The following PRR16 variants were observed in gnomAD, a reference collection of about 807,000 sequenced individuals.
PRR16 encodes proline rich 16.
A neutral mutation model predicts 18.2 loss-of-function variants in PRR16; 6 were observed. The ratio of observed to expected loss-of-function variants is 0.33; its 90% CI spans 0.18 to 0.65. The LOEUF (loss-of-function observed/expected upper bound fraction) is 0.65. Ranked by LOEUF, PRR16 falls within the 30% of genes least tolerant of loss-of-function variation. PRR16 has a pLI of 0.74. For missense variants in PRR16, 412 were observed against 376.6 expected, an observed-to-expected ratio of 1.09 and a Z score of -0.78; for synonymous variants, 151 against 147.8, an observed-to-expected ratio of 1.02 and a Z score of -0.16.
At chr5:120,651,714 C>T (rs749624925) in intron 1 of PRR16, among the ~76,000 whole-genome samples, 1 of 152,180 alleles carries the variant, frequency 6.6e-6, no homozygotes, top group Non-Finnish European at 1.5e-5. Flanking sequence ...CAGTACCATG[C>T]TGCTTTGGTT....
At chr5:120,632,534 A>G (rs1755092268) in intron 1 of PRR16, among the ~76,000 whole-genome samples, 1 of 152,154 alleles carries the variant, frequency 6.6e-6, no homozygotes, top group African/African-American at 2.4e-5. Flanking sequence ...AATTAAAAAA[A>G]AATCATAATG....
chr5:120,788,747 A>T, the PRR16 span, among the ~76,000 whole-genome samples: 1 of 152,086 alleles, frequency 6.6e-6, no homozygotes. Context: ...TCTTTCATGA[A>T]CACCTTTAGT....
chr5:120,783,951 C>T, the PRR16 span, among the ~76,000 whole-genome samples: 39,794 of 151,938 alleles, frequency 0.26, 5,699 homozygotes, highest in Non-Finnish European at 0.32. Flanking sequence ...CACCTATGAA[C>T]GAGAACATGT....
chr5:120,614,013 C>T (rs554147594), intron 1 of PRR16, among the ~76,000 whole-genome samples: 5 of 152,162 alleles, frequency 3.3e-5, no homozygotes, highest in Non-Finnish European at 7.4e-5. Flanking sequence ...CTTAGTAAAG[C>T]ATTTTCACAC....
At chr5:120,520,539 A>C (rs1561528489) in intron 1 of PRR16, among the ~76,000 whole-genome samples, 1 of 152,238 alleles carries the variant, frequency 6.6e-6, no homozygotes, top group Non-Finnish European at 1.5e-5. Context: ...GGGTGAGAGA[A>C]ACTCTTTATT....
At chr5:120,706,739 A>G in the PRR16 span, among the ~76,000 whole-genome samples, 1 of 152,340 alleles carries the variant, frequency 6.6e-6, no homozygotes, top group African/African-American at 2.4e-5. Flanking sequence ...CAGACAAGAA[A>G]GATTTTATTC....
intron 1 of PRR16, among the ~76,000 whole-genome samples, chr5:120,541,260 C>A (rs1255440836): frequency 6.6e-6 from 1 of 152,172 alleles, no homozygotes; most frequent in African/African-American, 2.4e-5. Context: ...ATTCTCCTGC[C>A]TCAGCCTCCT....
chr5:120,716,639 G>A, the PRR16 span, among the ~76,000 whole-genome samples: 4 of 152,118 alleles, frequency 2.6e-5, no homozygotes, highest in African/African-American at 7.2e-5. Flanking sequence ...ACTTTGGGAG[G>A]CTGAGTTGGC....
At chr5:120,765,294 A>ATAC in the PRR16 span, among the ~76,000 whole-genome samples, 2 of 151,998 alleles carry the variant, frequency 1.3e-5, no homozygotes, top group African/African-American at 4.8e-5. Flanking sequence ...GACTTAAAAG[A>ATAC]AGTTGAATGT....
rs1561536442 is a variant in PRR16, at chr5:120,537,774, T to TA, written c.159+73129_159+73130insA. Among the ~76,000 whole-genome samples the TA allele has an allele frequency of 3.6e-5, 5 of 139,916 alleles. No homozygotes were observed. The East Asian group carries it at 8.4e-4, about 23-fold the overall frequency. 91.8% of individuals were successfully genotyped at this position (139,916 alleles called of 152,430 possible). ...TATAACTTGGAATTTTTAATGTTTTTTTTTTTTTTTTTTTTTTTTTGAGAC... is the reference window on the plus strand; with the variant it reads ...TATAACTTGGAATTTTTAATGTTTTTATTTTTTTTTTTTTTTTTTTTGAGAC... On this transcript the variant is annotated intron_variant, in intron 1 of 1. Transcript: ENST00000407149.
intron 1 of PRR16, among the ~76,000 whole-genome samples, chr5:120,661,139 G>T (rs982651046): frequency 3.3e-5 from 5 of 152,000 alleles, no homozygotes; most frequent in African/African-American, 1.2e-4. Flanking sequence ...TCATGTTTTG[G>T]GAAGGTACAT....
At chr5:120,493,001 A>C (rs1750116958) in intron 1 of PRR16, among the ~76,000 whole-genome samples, 1 of 152,192 alleles carries the variant, frequency 6.6e-6, no homozygotes, top group Non-Finnish European at 1.5e-5. Context: ...CGGAATTGTT[A>C]ATTGTGCTGC....
the PRR16 span, among the ~76,000 whole-genome samples, chr5:120,754,274 T>TATATA: frequency 2.7e-5 from 1 of 37,186 alleles, no homozygotes; most frequent in African/African-American, 9.5e-5. Flanking sequence ...AAATATAAAA[T>TATATA]AATATATAAA....
intron 1 of PRR16, among the ~76,000 whole-genome samples, chr5:120,472,962 T>C (rs1749317760): frequency 6.6e-6 from 1 of 152,196 alleles, no homozygotes; most frequent in African/African-American, 2.4e-5. Flanking sequence ...TTCTTAAAAC[T>C]GATTGCAGAT....
At chr5:120,548,958 C>T (rs1752162648) in intron 1 of PRR16, among the ~76,000 whole-genome samples, 1 of 58,126 alleles carries the variant, frequency 1.7e-5, no homozygotes, top group South Asian at 8.7e-4. Context: ...ACTGTCTTTT[C>T]ATGCATGTAC....
chr5:120,520,574 G>A (rs969600367), intron 1 of PRR16, among the ~76,000 whole-genome samples: 9 of 152,118 alleles, frequency 5.9e-5, no homozygotes, highest in African/African-American at 2.2e-4. Context: ...TGATGGTTCC[G>A]TATTTTAACA....
intron 1 of PRR16, among the ~76,000 whole-genome samples, chr5:120,575,397 A>G (rs1221439524): frequency 2.0e-5 from 3 of 151,808 alleles, no homozygotes; most frequent in African/African-American, 7.3e-5. Flanking sequence ...AGATGAAAAA[A>G]ATCCTCAACA....
chr5:120,490,293 C>T (rs1289401052), intron 1 of PRR16, among the ~76,000 whole-genome samples: 7 of 152,198 alleles, frequency 4.6e-5, no homozygotes, highest in Non-Finnish European at 8.8e-5. Context: ...GTACCGCAAT[C>T]GGATGTAGAT....
intron 1 of PRR16, among the ~76,000 whole-genome samples, chr5:120,489,780 G>A (rs1749957206): frequency 6.6e-6 from 1 of 152,176 alleles, no homozygotes; most frequent in African/African-American, 2.4e-5. Flanking sequence ...TGTTTTTGCA[G>A]TGGCTGGTAC....
Sources: allele counts gnomAD v4.1 joint callset (sites outside exome capture counted in the v4.1 genomes callset), GRCh38; gene constraint gnomAD v4.1.1; transcripts MANE v1.5; gene names NCBI Gene and HGNC (gene_info 2026-07-23, HGNC 2026-07-21).